The following COL21A1 variants were observed in gnomAD, a reference collection of about 807,000 sequenced individuals.
COL21A1 encodes collagen alpha-1(XXI) chain.
COL21A1 carries 149 observed loss-of-function variants against 137.9 expected under a neutral mutation model. That is an observed-to-expected ratio of 1.08 (90% CI 0.95 to 1.24). The LOEUF is 1.24. Ranked by LOEUF, COL21A1 falls within the 50% of genes most tolerant of loss-of-function variation. COL21A1 has a pLI of 0.00. For missense variants in COL21A1, 1,167 were observed against 1,158.4 expected (o/e 1.01, Z -0.11); for synonymous variants, 456 against 391.5 (o/e 1.16, Z -1.95).
intron 28 of COL21A1, 134 bp from the exon 29 acceptor site, chr6:56,059,376 T>C: frequency 5.4e-6 from 3 of 557,944 alleles, no homozygotes; most frequent in Non-Finnish European, 9.1e-6. Context: ...TTTTTCTTAC[T>C]AATGGAAAAC....
chr6:56,136,942 G>A (rs994478748), intron 12 of COL21A1, among the ~76,000 whole-genome samples: 4 of 151,990 alleles, frequency 2.6e-5, no homozygotes, highest in Admixed American at 6.6e-5. Context: ...CTATCTTCTT[G>A]GCTCTTGACA....
intron 1 of COL21A1, among the ~76,000 whole-genome samples, chr6:56,268,100 T>C (rs1763437105): frequency 6.6e-6 from 1 of 152,050 alleles, no homozygotes; most frequent in Non-Finnish European, 1.5e-5. Context: ...GCTGGAAGTG[T>C]CAATTCAAGC....
chr6:56,199,168 G>A (rs1779218904), intron 1 of COL21A1, among the ~76,000 whole-genome samples: 1 of 151,884 alleles, frequency 6.6e-6, no homozygotes, highest in South Asian at 2.1e-4. Context: ...ACAGTTGTAG[G>A]GTCTCCATTA....
chr6:56,178,614 A>G (rs1777666674), intron 3 of COL21A1, among the ~76,000 whole-genome samples: 1 of 152,050 alleles, frequency 6.6e-6, no homozygotes, highest in South Asian at 2.1e-4. Flanking sequence ...TTACTTTAAT[A>G]TGGTACACTA....
At chr6:56,348,420 C>T (rs937891108) in intron 1 of COL21A1, among the ~76,000 whole-genome samples, 2 of 152,164 alleles carry the variant, frequency 1.3e-5, no homozygotes, top group Non-Finnish European at 2.9e-5. Context: ...CCTGGAAACA[C>T]TTTCCACATA....
chr6:56,066,975 A>G (rs910627858), intron 23 of COL21A1, among the ~76,000 whole-genome samples: 49 of 136,192 alleles, frequency 3.6e-4, no homozygotes, highest in African/African-American at 7.9e-4. Context: ...ATATATATAT[A>G]TATGTGTGTG....
intron 17 of COL21A1, among the ~76,000 whole-genome samples, chr6:56,098,558 AATATAT>A (rs1554206721): frequency 1.1e-4 from 1 of 9,204 alleles, no homozygotes; most frequent in African/African-American, 4.3e-4. Context: ...AATATATATA[AATATAT>A]AAATATATAT....
intron 1 of COL21A1, among the ~76,000 whole-genome samples, chr6:56,351,353 C>T (rs79357639): frequency 0.03 from 4,517 of 152,298 alleles, 215 homozygotes; most frequent in African/African-American, 0.1. Context: ...GGGGAATTTC[C>T]GTTGTTTCCT....
At chr6:56,206,697 A>ATAT (rs1561983771) in intron 1 of COL21A1, among the ~76,000 whole-genome samples, 679 of 31,478 alleles carry the variant, frequency 0.022, 4 homozygotes, top group South Asian at 0.034. Context: ...TAAATAAATA[A>ATAT]ATATATATAT....
At chr6:56,338,325 C>T (rs1382514931) in intron 1 of COL21A1, among the ~76,000 whole-genome samples, 1 of 152,114 alleles carries the variant, frequency 6.6e-6, no homozygotes. Context: ...TCTAACCCAG[C>T]TAGTAGTGCT....
intron 2 of COL21A1, 113 bp downstream of exon 2, chr6:56,182,418 C>T: frequency 1.5e-6 from 1 of 676,388 alleles, no homozygotes; most frequent in Non-Finnish European, 2.5e-6. Context: ...TAGGGAGTTA[C>T]AGAATCAAAG....
chr6:56,176,897 G>A (rs568225164), intron 3 of COL21A1, among the ~76,000 whole-genome samples: 12 of 133,410 alleles, frequency 9.0e-5, no homozygotes, highest in African/African-American at 3.1e-4. Flanking sequence ...GGGAGGAAAG[G>A]GAGGAAAGGG....
At chr6:56,160,503 A>AATT in intron 9 of COL21A1, among the ~76,000 whole-genome samples, 1 of 152,194 alleles carries the variant, frequency 6.6e-6, no homozygotes, top group African/African-American at 2.4e-5. Flanking sequence ...AATGCTAGAA[A>AATT]ATTTAATATG....
intron 1 of COL21A1, among the ~76,000 whole-genome samples, chr6:56,239,106 C>T (rs1313926228): frequency 2.0e-5 from 3 of 152,130 alleles, no homozygotes; most frequent in Admixed American, 2.0e-4. Flanking sequence ...TCTATATGGC[C>T]TCAATGTATT....
chr6:56,075,177 C>A (rs1173609082), intron 19 of COL21A1, among the ~76,000 whole-genome samples: 1 of 151,378 alleles, frequency 6.6e-6, no homozygotes, highest in African/African-American at 2.4e-5. Context: ...GAGATTTAGA[C>A]TTAATGGTAC....
intron 1 of COL21A1, among the ~76,000 whole-genome samples, chr6:56,276,993 T>TTTATTG (rs1763679476): frequency 6.6e-6 from 1 of 151,598 alleles, no homozygotes; most frequent in Admixed American, 6.6e-5. Context: ...TATTTTTATT[T>TTTATTG]TTATTTTTAG....
intron 1 of COL21A1, among the ~76,000 whole-genome samples, chr6:56,217,390 A>T (rs1360567282): frequency 6.6e-6 from 1 of 152,084 alleles, no homozygotes; most frequent in Non-Finnish European, 1.5e-5. Context: ...CACCCTCCAC[A>T]GCACTGTCAA....
intron 7 of COL21A1, among the ~76,000 whole-genome samples, chr6:56,166,212 T>A (rs533412051): frequency 6.6e-6 from 1 of 151,806 alleles, no homozygotes; most frequent in East Asian, 1.9e-4. Context: ...TACATTATTA[T>A]ATTGTTATAT....
chr6:56,254,060 A>G (rs1370416939), intron 1 of COL21A1, among the ~76,000 whole-genome samples: 1 of 152,222 alleles, frequency 6.6e-6, no homozygotes, highest in African/African-American at 2.4e-5. Context: ...AGAGTCCCAA[A>G]TTCTTCTGGC....
Sources: gnomAD v4.1 joint callset for allele counts (sites outside exome capture counted in the v4.1 genomes callset) on GRCh38, gnomAD v4.1.1 for gene constraint, MANE v1.5 for transcripts, NCBI Gene and HGNC (gene_info 2026-07-23, HGNC 2026-07-21) for gene names.